The following GAREM1 variants were observed in gnomAD, a reference collection of about 807,000 sequenced individuals.
GAREM1 encodes GRB2-associated and regulator of MAPK protein 1.
A neutral mutation model predicts 71.3 loss-of-function variants in GAREM1; 26 were observed. The observed-to-expected ratio is 0.36, with a 90% CI of 0.27 to 0.51. The LOEUF (loss-of-function observed/expected upper bound fraction) is 0.51, where lower values mean the gene tolerates loss of function less well. Among genes scored for constraint, GAREM1 ranks in the 20% least tolerant of loss-of-function variants. The probability of loss-of-function intolerance (pLI) is 0.95; values close to 1 mark genes in which losing one functional copy is unlikely to be tolerated. For synonymous variants in GAREM1, 440 were observed against 433.2 expected, an observed-to-expected ratio of 1.02 and a Z score of -0.20; for missense variants, 1,026 against 1,103.1, an observed-to-expected ratio of 0.93 and a Z score of 0.99.
At chr18:32,355,670 T>G (rs1260960981) in intron 2 of GAREM1, among the ~76,000 whole-genome samples, 2 of 152,202 alleles carry the variant, frequency 1.3e-5, no homozygotes, top group African/African-American at 4.8e-5. Context: ...GACTTTTTTC[T>G]AGTACCTTGA....
At chr18:32,310,419 T>C (rs2047307654) in intron 2 of GAREM1, 96 bp from the exon 3 acceptor site, 4 of 1,261,436 alleles carry the variant, frequency 3.2e-6, no homozygotes. Flanking sequence ...CAGCCCTTTT[T>C]TTGTCAAAGA....
chr18:32,268,848 C>T (rs938433955), intron 5 of GAREM1, 80 bp from the exon 6 acceptor site: 5 of 1,201,326 alleles, frequency 4.2e-6, no homozygotes, highest in East Asian at 4.8e-5. Context: ...ATAGACGTTA[C>T]TGCTGAGTAG....
chr18:32,319,169 T>C (rs907528355), intron 2 of GAREM1, among the ~76,000 whole-genome samples: 1 of 152,144 alleles, frequency 6.6e-6, no homozygotes, highest in African/African-American at 2.4e-5. Flanking sequence ...ACTGTACAAA[T>C]GAAATGCATT....
chr18:32,337,661 G>A (rs1302088132), intron 2 of GAREM1, among the ~76,000 whole-genome samples: 2 of 152,204 alleles, frequency 1.3e-5, no homozygotes, highest in Non-Finnish European at 2.9e-5. Context: ...ATATGACAAT[G>A]AGTAAGTGAT....
At chr18:32,339,108 CCTCT>C (rs1431667333) in intron 2 of GAREM1, among the ~76,000 whole-genome samples, 1 of 152,168 alleles carries the variant, frequency 6.6e-6, no homozygotes, top group Non-Finnish European at 1.5e-5. Flanking sequence ...AATCTCCCTC[CCTCT>C]ATCTATAAAT....
intron 2 of GAREM1, among the ~76,000 whole-genome samples, chr18:32,388,721 T>A: frequency 6.6e-6 from 1 of 152,006 alleles, no homozygotes; most frequent in East Asian, 1.9e-4. Flanking sequence ...AATGTCTATA[T>A]CACGAAAGAC....
At chr18:32,273,972 C>A (rs560719453) in intron 4 of GAREM1, among the ~76,000 whole-genome samples, 18 of 152,046 alleles carry the variant, frequency 1.2e-4, no homozygotes, top group Non-Finnish European at 2.4e-4. Flanking sequence ...CCATTCATGA[C>A]AAGAATTTTG....
At position 32,305,136 on chromosome 18, in the gene GAREM1, G is replaced by GA. The variant is rs113496311; in HGVS notation, c.393+5056dup. 2.5e-3 allele frequency among the ~76,000 whole-genome samples: 371 copies of GA among 151,094 alleles called. 2 individuals carry two copies. Among genetic ancestry groups the GA allele is most frequent in the African/African-American group, 8.6e-3 (354 of 41,196 alleles). On this transcript the variant is annotated intron_variant, in intron 3 of 5. Transcript: ENST00000269209. Reference sequence around the variant, plus strand: ...GAAAACTAAAAACCAGATGGATAAAGAAAAAAAAAGTGAAAGAGACAGGTG... The same window carrying GA: ...GAAAACTAAAAACCAGATGGATAAAGAAAAAAAAAAGTGAAAGAGACAGGTG...
At chr18:32,274,045 C>T (rs1469772671) in intron 4 of GAREM1, among the ~76,000 whole-genome samples, 1 of 152,122 alleles carries the variant, frequency 6.6e-6, no homozygotes, top group African/African-American at 2.4e-5. Flanking sequence ...TGAGGGGCAG[C>T]CCACGGCAGG....
At chr18:32,271,392 G>A (rs57141272) in intron 4 of GAREM1, among the ~76,000 whole-genome samples, 5,645 of 152,000 alleles carry the variant, frequency 0.037, 270 homozygotes, top group African/African-American at 0.1. Flanking sequence ...GGGGTTTGAC[G>A]ATGTTGGCCA....
chr18:32,457,226 AGTGTGTGTGTGTGTGTGTGT>A (rs566379367), intron 1 of GAREM1, among the ~76,000 whole-genome samples: 2 of 81,926 alleles, frequency 2.4e-5, no homozygotes, highest in African/African-American at 8.4e-5. Context: ...AGAGAGAGAG[AGTGTGTGTGTGTGTGTGTGT>A]GTGTGTGTGT....
chr18:32,463,858 T>C (rs562816642), intron 1 of GAREM1, among the ~76,000 whole-genome samples: 13 of 151,782 alleles, frequency 8.6e-5, no homozygotes, highest in East Asian at 2.0e-4. Context: ...CGTGAGCCAC[T>C]GCGCCCGGCC....
At chr18:32,405,370 G>T (rs988382024) in intron 1 of GAREM1, among the ~76,000 whole-genome samples, 1 of 151,910 alleles carries the variant, frequency 6.6e-6, no homozygotes, top group Non-Finnish European at 1.5e-5. Context: ...GCTAATTTTT[G>T]TATTTTTAGT....
At chr18:32,397,492 G>A (rs929265490) in intron 1 of GAREM1, among the ~76,000 whole-genome samples, 14 of 152,044 alleles carry the variant, frequency 9.2e-5, no homozygotes, top group Admixed American at 6.6e-4. Flanking sequence ...AAAAAGGCAG[G>A]GGTTGCAATC....
At chr18:32,330,349 C>G (rs1458816511) in intron 2 of GAREM1, among the ~76,000 whole-genome samples, 2 of 152,052 alleles carry the variant, frequency 1.3e-5, no homozygotes, top group Non-Finnish European at 2.9e-5. Context: ...ACACTGGGGA[C>G]TACTAGTTGT....
chr18:32,374,768 CTACCGTG>C (rs1482390437), intron 2 of GAREM1, among the ~76,000 whole-genome samples: 10 of 152,186 alleles, frequency 6.6e-5, no homozygotes, highest in Non-Finnish European at 1.5e-4. Flanking sequence ...ATTTAGGTAT[CTACCGTG>C]TACCTGGCAT....
At position 32,309,380 on chromosome 18, in the gene GAREM1, C is replaced by T. The variant is rs143094375; in HGVS notation, c.393+813G>A. Among the ~76,000 whole-genome samples the T allele has an allele frequency of 5.7e-4, 85 of 149,050 alleles. 4 individuals carry two copies. The highest frequency in any genetic ancestry group is 2.0e-3 in the African/African-American group (80 of 40,036). The stretch of plus-strand genomic sequence containing the variant: ...CCTGTAATCCCAGCACTTTGGGAGG[C>T]CAAGGTGGGCAGATCACGAGGTCAG... On this transcript the variant is annotated intron_variant, in intron 3 of 5. Transcript: ENST00000269209.
chr18:32,392,699 A>G (rs567316664), intron 2 of GAREM1, among the ~76,000 whole-genome samples, 196 bp downstream of exon 2: 3 of 152,362 alleles, frequency 2.0e-5, no homozygotes, highest in Admixed American at 2.0e-4. Flanking sequence ...AAGAATCCTC[A>G]TTTAACTACA....
chr18:32,345,240 T>G (rs11874328), intron 2 of GAREM1, among the ~76,000 whole-genome samples: 1,807 of 152,294 alleles, frequency 0.012, 48 homozygotes, highest in African/African-American at 0.042. Context: ...ATGAAATGGT[T>G]AAAACAACTA....
Sources: gnomAD v4.1 joint callset for allele counts (sites outside exome capture counted in the v4.1 genomes callset) on GRCh38, gnomAD v4.1.1 for gene constraint, MANE v1.5 for transcripts, NCBI Gene and HGNC (gene_info 2026-07-23, HGNC 2026-07-21) for gene names.